Variants in ZBTB32 observed in about 807,000 individuals in gnomAD.
The protein encoded by ZBTB32 is zinc finger and BTB domain containing 32, also known as zinc finger and BTB domain-containing protein 32.
A neutral mutation model predicts 45.3 loss-of-function variants in ZBTB32; 28 were observed. The ratio of observed to expected loss-of-function variants is 0.62; its 90% CI spans 0.46 to 0.85. The LOEUF (loss-of-function observed/expected upper bound fraction) is 0.85. Ranked by LOEUF, ZBTB32 falls within the 40% of genes least tolerant of loss-of-function variation. The probability of loss-of-function intolerance (pLI) is 0.00; values close to 1 mark genes in which losing one functional copy is unlikely to be tolerated. For synonymous variants in ZBTB32, 283 were observed against 255.7 expected (o/e 1.11, Z -1.02); for missense variants, 587 against 624.4 (o/e 0.94, Z 0.64).
intron 1 of ZBTB32, among the ~76,000 whole-genome samples, chr19:35,706,067 A>G (rs1199113892): frequency 6.6e-6 from 1 of 151,796 alleles, no homozygotes; most frequent in East Asian, 1.9e-4. Flanking sequence ...CATCTCTACT[A>G]AAAATACAAA....
At chr19:35,712,091 G>A (rs1371867303) in intron 1 of ZBTB32, among the ~76,000 whole-genome samples, 1 of 147,050 alleles carries the variant, frequency 6.8e-6, no homozygotes, top group Admixed American at 6.8e-5. Flanking sequence ...CTTGTCACCA[G>A]AGCAGCTTAC....
chr19:35,716,918 A>C lies in ZBTB32; in HGVS notation c.*166A>C, dbSNP rs1568364130. 2 of 757,058 alleles carry C rather than the reference A, an allele frequency of 2.6e-6. No homozygotes were observed. The highest frequency in any genetic ancestry group is 4.2e-6 in the Non-Finnish European group (2 of 477,790). The allele number at this position is 757,058 out of a possible 1,614,324, so 46.9% of individuals were successfully genotyped here. A position where few individuals can be genotyped will look rare whatever the true frequency, so the allele number is the denominator to read the frequency against. On this transcript the variant is annotated 3_prime_UTR_variant, in exon 7 of 7. Transcript: ENST00000392197. ...TCTCCTGGACGATCGCGGGTCGCAG[A>C]AGCCCAGGCCAGCGAGCCCTACAGA... is the stretch of plus-strand genomic sequence containing the variant.
intron 1 of ZBTB32, among the ~76,000 whole-genome samples, chr19:35,707,936 C>A (rs173002): frequency 6.6e-6 from 1 of 151,974 alleles, no homozygotes; most frequent in Non-Finnish European, 1.5e-5. Context: ...GAGCCAAGAT[C>A]GTGCCACTGC....
At chr19:35,709,252 G>C (rs971621371) in intron 1 of ZBTB32, among the ~76,000 whole-genome samples, 10 of 152,180 alleles carry the variant, frequency 6.6e-5, no homozygotes, top group Non-Finnish European at 1.3e-4. Context: ...CGAGTTCACA[G>C]AATTTTTCTA....
chr19:35,708,745 G>A (rs532948792), intron 1 of ZBTB32, among the ~76,000 whole-genome samples: 79 of 152,250 alleles, frequency 5.2e-4, no homozygotes, highest in Admixed American at 4.7e-3. Flanking sequence ...TTCACTCCTT[G>A]TGGTGACTCT....
At chr19:35,706,595 C>G (rs1478685470) in intron 1 of ZBTB32, among the ~76,000 whole-genome samples, 1 of 152,064 alleles carries the variant, frequency 6.6e-6, no homozygotes, top group African/African-American at 2.4e-5. Flanking sequence ...TGGTAGATGC[C>G]TGTAATCCCA....
intron 1 of ZBTB32, among the ~76,000 whole-genome samples, chr19:35,708,100 T>C (rs1968594313): frequency 6.6e-6 from 1 of 152,202 alleles, no homozygotes; most frequent in Admixed American, 6.5e-5. Context: ...CTGGGCAAGA[T>C]GACAGAGACT....
Position 35,716,624 on chromosome 19 carries a change from C to T in ZBTB32, c.1336C>T (p.His446Tyr), listed in dbSNP as rs1242202472. 1.2e-6 allele frequency: 2 copies of T among 1,613,632 alleles called. No homozygotes were observed. The highest frequency in any genetic ancestry group is 1.7e-6 in the Non-Finnish European group (2 of 1,179,944). Residue 446 changes from histidine to tyrosine, a missense_variant, in exon 7 of 7, where the codon CAC becomes TAC. Physicochemically the swap from His to Tyr is moderately conservative, Grantham distance 83. Transcript: ENST00000392197. ...TCCCAGCCTGGCCTCCATGCAGGCG[C>T]ACATGCGCGGTCACTCGCCCAGCCA... ...GCPSLASMQA[H>Y]MRGHSPSQLP...
Position 35,715,143 on chromosome 19 carries a change from G to T in ZBTB32, c.517G>T (p.Gly173Cys). Residue 173 changes from glycine to cysteine, a missense_variant, in exon 3 of 7, where the codon GGC becomes TGC. Physicochemically the swap from Gly to Cys is radical, Grantham distance 159. Transcript: ENST00000392197. ...EMLHKHSPPR[G>C]RPEMAGATQE... is the part of the protein sequence containing the mutation. ...GTTGCACAAGCACTCGCCACCAAGA[G>T]GCAGACCCGAGATGGCAGGAGCAAC... 6.2e-7 allele frequency: 1 copy of T among 1,613,994 alleles called. No individual in the cohort carries two copies. Among genetic ancestry groups the T allele is most frequent in the East Asian group, 2.2e-5 (1 of 44,890 alleles).
At position 35,716,573 on chromosome 19, in the gene ZBTB32, C is replaced by G. The variant is rs537226113; in HGVS notation, c.1285C>G (p.Arg429Gly). 6 of 1,613,298 alleles carry G rather than the reference C, an allele frequency of 3.7e-6. No individual in the cohort carries two copies. The South Asian group carries it at 6.6e-5, about 18-fold the overall frequency. The change falls in exon 7 of 7, where the codon CGC (arginine) becomes GGC (glycine). Residue 429 changes from arginine to glycine, a missense_variant. By Grantham distance (125) the Arg-to-Gly change is moderately radical. Transcript: ENST00000392197. ...GCGGACACACGGGGCCGCTCCGTAC[C>G]GCTGCTCCCTGTGCGGGGCCGGCTG... ...HLRTHGAAPY[R>G]CSLCGAGCPS...
At chr19:35,705,390 T>A (rs1313241882) in intron 1 of ZBTB32, among the ~76,000 whole-genome samples, 1 of 152,036 alleles carries the variant, frequency 6.6e-6, no homozygotes, top group African/African-American at 2.4e-5. Flanking sequence ...AGTGTGCACA[T>A]GAAGGTTTCC....
In ZBTB32 at chr19:35,716,733, C is replaced by G; in HGVS notation, c.1445C>G (p.Pro482Arg). 1 of 1,607,284 alleles carries G rather than the reference C, an allele frequency of 6.2e-7. No individual in the cohort carries two copies. Among genetic ancestry groups the G allele is most frequent in the Non-Finnish European group, 8.5e-7 (1 of 1,174,402 alleles). Residue 482 changes from proline (P) to arginine (R), a missense_variant, in exon 7 of 7, where the codon CCT becomes CGT. Coordinates refer to ENST00000392197, the MANE Select transcript of ZBTB32 (RefSeq NM_014383.3). ...CGGCCCTCGACCTCTCCCTGTTGTC[C>G]TTCTTCCTCCACCACCTGACGGGGT... is the stretch of plus-strand genomic sequence containing the variant. ...PSRPSTSPCC[P>R]SSSTT
At position 35,714,565 on chromosome 19, in the gene ZBTB32, T is replaced by C. The variant is rs1466190699; in HGVS notation, c.-62T>C. The C allele has an allele frequency of 6.9e-6, 10 of 1,449,364 alleles. No homozygotes were observed. The highest frequency in any genetic ancestry group is 2.9e-5 in the African/African-American group (2 of 69,728). The allele number at this position is 1,449,364 out of a possible 1,614,324, so 89.8% of individuals were successfully genotyped here. A position where few individuals can be genotyped will look rare whatever the true frequency, so the allele number is the denominator to read the frequency against. The stretch of plus-strand genomic sequence containing the variant: ...ATGTTCCTCCCTCCCCTTTCAACCA[T>C]GGACCTCACACTGTGGACTTCCTCT... On this transcript the variant is annotated 5_prime_UTR_variant, in exon 3 of 7. It removes an upstream start codon present in the reference 5' UTR. Coordinates refer to ENST00000392197, the MANE Select transcript of ZBTB32 (RefSeq NM_014383.3).
At chr19:35,707,105 G>A (rs1419371245) in intron 1 of ZBTB32, among the ~76,000 whole-genome samples, 1 of 151,776 alleles carries the variant, frequency 6.6e-6, no homozygotes, top group Non-Finnish European at 1.5e-5. Flanking sequence ...TGAGATAGGG[G>A]GATGACTTGA....
intron 1 of ZBTB32, among the ~76,000 whole-genome samples, chr19:35,710,742 G>A (rs374010601): frequency 1.3e-5 from 2 of 152,244 alleles, no homozygotes; most frequent in African/African-American, 4.8e-5. Context: ...GACAGAACAA[G>A]ACTCTGTCTC....
Position 35,715,820 on chromosome 19 carries a change from C to G in ZBTB32, c.945C>G (p.Ser315Arg), listed in dbSNP as rs755238703. ...LWSQNQLASS[S>R]PTPGSLPQGP... ...GCCAGAACCAGTTGGCCTCCTCCAGCCCTACCCCAGGTAAGCCCCTCGCTG... is the reference window on the plus strand; with the variant it reads ...GCCAGAACCAGTTGGCCTCCTCCAGGCCTACCCCAGGTAAGCCCCTCGCTG... Residue 315 changes from serine to arginine, a missense_variant, in exon 4 of 7, where the codon AGC becomes AGG. Transcript: ENST00000392197. 6.2e-7 allele frequency: 1 copy of G among 1,613,854 alleles called. No homozygotes were observed. Among genetic ancestry groups the G allele is most frequent in the Non-Finnish European group, 8.5e-7 (1 of 1,179,874 alleles).
At chr19:35,711,047 C>T (rs1017949792) in intron 1 of ZBTB32, among the ~76,000 whole-genome samples, 3 of 152,126 alleles carry the variant, frequency 2.0e-5, no homozygotes. Context: ...TTTAGGTTCC[C>T]CGAAAGCCCA....
Position 35,716,316 on chromosome 19 carries a change from G to A in ZBTB32, c.1189+19G>A. On this transcript the variant is annotated intron_variant, in intron 6 of 6. Transcript: ENST00000392197. The stretch of plus-strand genomic sequence containing the variant: ...CACACAGGTATGGGCGCCCTGCCCT[G>A]TGTGAACTGTCGGCTTTCTTCCCAA... The A allele has an allele frequency of 8.7e-6, 14 of 1,612,940 alleles. No homozygotes were observed. Among genetic ancestry groups the A allele is most frequent in the East Asian group, 2.2e-5 (1 of 44,856 alleles).
rs559636716 is a variant in ZBTB32 at position 35,715,628 on chromosome 19, CAAG to C, written c.881+125_882-123del. The C allele has an allele frequency of 4.3e-5, 63 of 1,475,458 alleles. No homozygotes were observed. The East Asian group carries it at 1.3e-3, about 29-fold the overall frequency. 91.4% of individuals were successfully genotyped at this position (1,475,458 alleles called of 1,614,324 possible). A position where few individuals can be genotyped will look rare whatever the true frequency, so the allele number is the denominator to read the frequency against. ...CACAGTTCCTGAGCTGGGGAAGAGA[CAAG>C]AAGCTGCTGCCACAGGGCACGCCAA... On this transcript the variant is annotated intron_variant, in intron 3 of 6. Transcript: ENST00000392197.
Sources: gnomAD v4.1 joint callset for allele counts (sites outside exome capture counted in the v4.1 genomes callset) on GRCh38, gnomAD v4.1.1 for gene constraint, MANE v1.5 for transcripts, NCBI Gene and HGNC (gene_info 2026-07-23, HGNC 2026-07-21) for gene names.